Variants in CCDC174 observed in about 807,000 individuals in gnomAD.
CCDC174 encodes the protein coiled-coil domain containing 174, also known as coiled-coil domain-containing protein 174.
A neutral mutation model predicts 57.1 loss-of-function variants in CCDC174; 37 were observed. The observed-to-expected ratio is 0.65, with a 90% CI of 0.50 to 0.85. The LOEUF (loss-of-function observed/expected upper bound fraction) is 0.85. Ranked by LOEUF, CCDC174 falls within the 40% of genes least tolerant of loss-of-function variation. The pLI is 0.00. For synonymous variants in CCDC174, 182 were observed against 190.2 expected, an observed-to-expected ratio of 0.96 and a Z score of 0.35; for missense variants, 540 against 574.3, an observed-to-expected ratio of 0.94 and a Z score of 0.61.
intron 5 of CCDC174, among the ~76,000 whole-genome samples, chr3:14,663,632 G>T (rs1378715763): frequency 6.6e-6 from 1 of 152,188 alleles, no homozygotes; most frequent in Admixed American, 6.5e-5. Context: ...TGGAGCCGTG[G>T]CTGACTACTG....
At chr3:14,652,036 G>GA (rs1382547745) in intron 1 of CCDC174, among the ~76,000 whole-genome samples, 158 bp downstream of exon 1, 2 of 152,102 alleles carry the variant, frequency 1.3e-5, no homozygotes, top group African/African-American at 4.8e-5. Flanking sequence ...CTCCGGCGGG[G>GA]ATCCGGTTCA....
In CCDC174 at chr3:14,661,562, T is replaced by A; in HGVS notation, c.340T>A (p.Phe114Ile). ...AGTAGAGGATATGTACCTTGTGGAT[T>A]TCACACAGAAGATCATAGACAAGCG... ...EEVEDMYLVD[F>I]TQKIIDKRKE... Residue 114 changes from phenylalanine (F) to isoleucine (I), a missense_variant, in exon 5 of 11, where the codon TTC (phenylalanine) becomes ATC (isoleucine). Physicochemically the swap from Phe to Ile is conservative, Grantham distance 21. Transcript: ENST00000383794. 6.2e-7 allele frequency: 1 copy of A among 1,613,802 alleles called. No homozygotes were observed.
At chr3:14,663,505 A>T (rs1461356838) in intron 5 of CCDC174, among the ~76,000 whole-genome samples, 1 of 152,104 alleles carries the variant, frequency 6.6e-6, no homozygotes, top group Admixed American at 6.5e-5. Context: ...TGTGTGCCTT[A>T]ACTTCCCTAG....
At chr3:14,666,221 C>T (rs1328793773) in intron 6 of CCDC174, among the ~76,000 whole-genome samples, 2 of 152,122 alleles carry the variant, frequency 1.3e-5, no homozygotes, top group Non-Finnish European at 2.9e-5. Context: ...GCCTGGGCCA[C>T]CTCCCATCTG....
chr3:14,652,883 C>A (rs1407374754), intron 1 of CCDC174, among the ~76,000 whole-genome samples: 2 of 134,342 alleles, frequency 1.5e-5, no homozygotes, highest in Non-Finnish European at 3.0e-5. Context: ...ACCTGGGCAA[C>A]AAGAGCGAAA....
intron 3 of CCDC174, among the ~76,000 whole-genome samples, chr3:14,656,998 T>G (rs1017911623): frequency 1.3e-5 from 2 of 152,196 alleles, no homozygotes; most frequent in African/African-American, 2.4e-5. Flanking sequence ...TTCTTAGCAT[T>G]TGACCTGTCC....
In CCDC174 at chr3:14,671,116, C is replaced by T. The variant is rs374228927; in HGVS notation, c.1326C>T (p.Pro442=). ...SPEHTSPTPA[P]DNPPQAPTVT... ...AACATACGTCACCCACTCCTGCCCC[C>T]GACAACCCACCACAAGCCCCCACAG... is the stretch of plus-strand genomic sequence containing the variant. The change falls in exon 11 of 11, where the codon CCC becomes CCT. Residue 442 remains proline (P), a synonymous_variant. Coordinates refer to ENST00000383794, the MANE Select transcript of CCDC174 (RefSeq NM_016474.5). 91 of 1,614,052 alleles carry T rather than the reference C, an allele frequency of 5.6e-5. No homozygotes were observed. Among genetic ancestry groups the T allele is most frequent in the African/African-American group, 9.3e-5 (7 of 74,920 alleles).
intron 2 of CCDC174, among the ~76,000 whole-genome samples, chr3:14,655,203 T>C (rs906419540): frequency 6.6e-6 from 1 of 151,850 alleles, no homozygotes; most frequent in Non-Finnish European, 1.5e-5. Context: ...CCCAGCTACT[T>C]GGGAAGCTGA....
At chr3:14,669,862 A>T in intron 9 of CCDC174, 72 bp from the exon 10 acceptor site, 1 of 1,476,246 alleles carries the variant, frequency 6.8e-7, no homozygotes, top group Non-Finnish European at 9.4e-7. Context: ...TTTCAGGATT[A>T]GCATGTTCTG....
Position 14,672,557 on chromosome 3 carries a change from T to C in CCDC174, c.*1363T>C, listed in dbSNP as rs2031555038. On this transcript the variant is annotated 3_prime_UTR_variant, in exon 11 of 11. Transcript: ENST00000383794. ...AATTCTTACAAACTTACCTCTAAAC[T>C]CTGAGGATAAAGTTGCCAGTCCTTT... 1 of 152,202 alleles carries C rather than the reference T, an allele frequency of 6.6e-6. No individual in the cohort carries two copies. Among genetic ancestry groups the C allele is most frequent in the South Asian group, 2.1e-4 (1 of 4,830 alleles). 9.4% of individuals were successfully genotyped at this position (152,202 alleles called of 1,614,324 possible). A position where few individuals can be genotyped will look rare whatever the true frequency, so the allele number is the denominator to read the frequency against.
At chr3:14,666,329 A>G (rs1006891906) in intron 6 of CCDC174, among the ~76,000 whole-genome samples, 3 of 152,128 alleles carry the variant, frequency 2.0e-5, no homozygotes, top group Non-Finnish European at 4.4e-5. Context: ...TTGAGTAAGA[A>G]GGGTGAAGGC....
intron 1 of CCDC174, among the ~76,000 whole-genome samples, chr3:14,653,680 C>T (rs1242293598): frequency 3.3e-5 from 5 of 152,180 alleles, no homozygotes; most frequent in Non-Finnish European, 7.3e-5. Flanking sequence ...TGCCCCACTC[C>T]CTATGCCTTG....
chr3:14,655,411 T>C (rs1381665975), intron 2 of CCDC174, 118 bp from the exon 3 acceptor site: 4 of 600,652 alleles, frequency 6.7e-6, no homozygotes, highest in Non-Finnish European at 1.2e-5. Flanking sequence ...CTTATCTAGT[T>C]ATCTCCATTG....
chr3:14,669,745 A>G (rs891862782), intron 9 of CCDC174, among the ~76,000 whole-genome samples, 189 bp from the exon 10 acceptor site: 2 of 152,210 alleles, frequency 1.3e-5, no homozygotes, highest in African/African-American at 4.8e-5. Flanking sequence ...GAAGTATTGA[A>G]TTTATTAGGA....
chr3:14,661,715 ACAT>A lies in CCDC174; in HGVS notation c.485+12_485+14del. ...AGACCCCAGTGAAGAATGGTTGGTA[ACAT>A]CATGGATTAGCTCAGAGGAACATCC... On this transcript the variant is annotated intron_variant, in intron 5 of 10. Coordinates refer to ENST00000383794, the MANE Select transcript of CCDC174 (RefSeq NM_016474.5). 6.2e-7 allele frequency: 1 copy of A among 1,607,584 alleles called. No homozygotes were observed. Among genetic ancestry groups the A allele is most frequent in the Non-Finnish European group, 8.5e-7 (1 of 1,177,474 alleles).
intron 6 of CCDC174, among the ~76,000 whole-genome samples, chr3:14,665,536 T>A (rs2031286630): frequency 6.6e-6 from 1 of 152,196 alleles, no homozygotes; most frequent in Non-Finnish European, 1.5e-5. Context: ...AAGGGCCTTA[T>A]AACTAGATTT....
intron 2 of CCDC174, 36 bp from the exon 3 acceptor site, chr3:14,655,493 T>C (rs372174002): frequency 1.4e-6 from 2 of 1,389,118 alleles, no homozygotes; most frequent in Non-Finnish European, 2.0e-6. Flanking sequence ...TTGGCAATCA[T>C]GTGGTTCTGT....
rs766094363 is a variant in CCDC174 at position 14,654,428 on chromosome 3, G to T, written c.45G>T (p.Leu15Phe). Reference protein sequence around the residue: ...KKPLDVTASSLVDLKAELFRK... With the variant: ...KKPLDVTASSFVDLKAELFRK... ...TTTACTTACTGCTTTCATTCTAGTT[G>T]GTAGATCTTAAGGCTGAACTCTTCC... The change falls in exon 2 of 11, where the codon TTG becomes TTT. Residue 15 changes from leucine to phenylalanine, a missense_variant and splice_region_variant. Coordinates refer to ENST00000383794, the MANE Select transcript of CCDC174 (RefSeq NM_016474.5). The T allele has an allele frequency of 2.6e-6, 4 of 1,545,180 alleles. No individual in the cohort carries two copies. Among genetic ancestry groups the T allele is most frequent in the Non-Finnish European group, 1.8e-6 (2 of 1,126,728 alleles).
chr3:14,667,516 CAGGTACAGATAAA>C lies in CCDC174; in HGVS notation c.818_819+11del. 6.2e-7 allele frequency: 1 copy of C among 1,611,516 alleles called. No individual in the cohort carries two copies. The highest frequency in any genetic ancestry group is 8.5e-7 in the Non-Finnish European group (1 of 1,177,760). On this transcript the variant is annotated splice_donor_variant and splice_donor_5th_base_variant and coding_sequence_variant and intron_variant, in exon 8 of 11. Coordinates refer to ENST00000383794, the MANE Select transcript of CCDC174 (RefSeq NM_016474.5). LOFTEE classifies it high-confidence loss of function. ...GAAAACCTTAGAGATGCTGCGTGAACAGGTACAGATAAATCCCAAGTGACTGTGAGGAAAGATG... is the reference window on the plus strand; with the variant it reads ...GAAAACCTTAGAGATGCTGCGTGAACTCCCAAGTGACTGTGAGGAAAGATG...
Sources: allele counts gnomAD v4.1 joint callset (sites outside exome capture counted in the v4.1 genomes callset), GRCh38; gene constraint gnomAD v4.1.1; transcripts MANE v1.5; gene names NCBI Gene and HGNC (gene_info 2026-07-23, HGNC 2026-07-21).